Variants in AMZ2 observed in about 807,000 individuals in gnomAD.
The protein encoded by AMZ2 is archaemetzincin-2.
In AMZ2, 26 loss-of-function variants were observed where a neutral mutation model predicts 36.7. The ratio of observed to expected loss-of-function variants is 0.71; its 90% CI spans 0.52 to 0.98. The LOEUF is 0.98. Ranked by LOEUF, AMZ2 falls within the 50% of genes least tolerant of loss-of-function variation. AMZ2 has a pLI of 0.00. For synonymous variants in AMZ2, 144 were observed against 149.1 expected (o/e 0.97, Z 0.25); for missense variants, 394 against 430.5 (o/e 0.92, Z 0.75).
At chr17:68,244,632 T>C (rs2073964557), upstream of AMZ2, among the ~76,000 whole-genome samples, 1 of 152,120 alleles carries the variant, frequency 6.6e-6, no homozygotes, top group Admixed American at 6.6e-5. Context: ...TATATTTTCA[T>C]ATAGAGACAG....
At chr17:68,212,814 G>A (rs1395103889) in intron 1 of AMZ2, among the ~76,000 whole-genome samples, 4 of 151,938 alleles carry the variant, frequency 2.6e-5, no homozygotes, top group African/African-American at 4.8e-5. Context: ...GCAATCCACC[G>A]ACCTCAGCCT....
intron 1 of AMZ2, among the ~76,000 whole-genome samples, chr17:68,211,912 T>G (rs1346016652): frequency 6.6e-6 from 1 of 150,874 alleles, no homozygotes; most frequent in African/African-American, 2.4e-5. Flanking sequence ...TTTTAATCAG[T>G]TCCCTTTGTC....
intron 1 of AMZ2, among the ~76,000 whole-genome samples, chr17:68,220,215 T>C (rs2073311067): frequency 6.6e-6 from 1 of 152,234 alleles, no homozygotes; most frequent in African/African-American, 2.4e-5. Flanking sequence ...ACTTCTCTGT[T>C]TTCTAAATTT....
chr17:68,247,597 G>A (rs1262838785), upstream of AMZ2: 1 of 978,708 alleles, frequency 1.0e-6, no homozygotes, highest in African/African-American at 1.8e-5. Context: ...AAAGTGCTGA[G>A]GGTGACGGCC....
At chr17:68,238,586 T>TATAC (rs112399250) in intron 1 of AMZ2, among the ~76,000 whole-genome samples, 1 of 150,888 alleles carries the variant, frequency 6.6e-6, no homozygotes, top group African/African-American at 2.4e-5. Flanking sequence ...CACACATATG[T>TATAC]ACACACACAC....
rs781840938 is a variant in AMZ2, at chr17:68,250,182, TG to T, written c.1-5del. On this transcript the variant is annotated splice_region_variant and splice_polypyrimidine_tract_variant and intron_variant, in intron 1 of 6. Transcript: ENST00000359904. ...TTATATTTGATTACTTGCTTTTTTT[TG>T]TTAGATGCAAATAATACGGCACTCC... The T allele has an allele frequency of 1.9e-5, 30 of 1,604,754 alleles. No homozygotes were observed. In the Admixed American group the frequency reaches 5.2e-4, roughly 28 times the overall value.
chr17:68,221,412 C>T (rs2073362694), intron 1 of AMZ2, among the ~76,000 whole-genome samples: 1 of 151,980 alleles, frequency 6.6e-6, no homozygotes, highest in African/African-American at 2.4e-5. Flanking sequence ...GGGTGCATGC[C>T]AGATGGTGGA....
Position 68,250,342 on chromosome 17 carries a change from C to T in AMZ2, c.155C>T (p.Thr52Ile), listed in dbSNP as rs143420106. 2.9e-5 allele frequency: 47 copies of T among 1,614,072 alleles called. No homozygotes were observed. Among genetic ancestry groups the T allele is most frequent in the Admixed American group, 1.5e-4 (9 of 60,004 alleles). The part of the protein sequence containing the change: ...QPASDLFGPI[T>I]LHSPSDWITS... ...GCCAGTGATCTCTTTGGACCCATTACCTTGCATTCTCCATCAGATTGGATC... is the reference window on the plus strand; with the variant it reads ...GCCAGTGATCTCTTTGGACCCATTATCTTGCATTCTCCATCAGATTGGATC... Residue 52 changes from threonine (T) to isoleucine (I), a missense_variant, in exon 2 of 7, where the codon ACC (threonine) becomes ATC (isoleucine). By Grantham distance (89) the Thr-to-Ile change is moderately conservative (BLOSUM62 -1). Coordinates refer to ENST00000359904, the MANE Select transcript of AMZ2 (RefSeq NM_016627.5).
upstream of AMZ2, among the ~76,000 whole-genome samples, chr17:68,244,619 A>G (rs1555734794): frequency 6.6e-6 from 1 of 152,206 alleles, no homozygotes. Context: ...CAGGAAAACA[A>G]TGTATATTTT....
chr17:68,236,213 C>T (rs1264211908), intron 1 of AMZ2, among the ~76,000 whole-genome samples: 3 of 151,888 alleles, frequency 2.0e-5, no homozygotes, highest in Non-Finnish European at 2.9e-5. Flanking sequence ...TGTTTTAAAA[C>T]GTTTTATATA....
intron 1 of AMZ2, among the ~76,000 whole-genome samples, chr17:68,241,857 G>A (rs2073907330): frequency 1.3e-5 from 2 of 151,110 alleles, no homozygotes; most frequent in African/African-American, 4.9e-5. Flanking sequence ...CCAAGTAGCT[G>A]GGATTACAGG....
intron 1 of AMZ2, among the ~76,000 whole-genome samples, chr17:68,210,302 G>A (rs1273109672): frequency 6.6e-6 from 1 of 152,232 alleles, no homozygotes; most frequent in African/African-American, 2.4e-5. Flanking sequence ...TGCATTAACT[G>A]ATGAATGGAT....
upstream of AMZ2, among the ~76,000 whole-genome samples, chr17:68,243,987 G>T (rs1184041308): frequency 1.3e-4 from 20 of 152,276 alleles, no homozygotes; most frequent in Non-Finnish European, 2.2e-4. Context: ...CTAATTGGTA[G>T]AATTGTTTTC....
At chr17:68,240,929 A>G (rs2144643422) in intron 1 of AMZ2, among the ~76,000 whole-genome samples, 1 of 152,356 alleles carries the variant, frequency 6.6e-6, no homozygotes, top group African/African-American at 2.4e-5. Context: ...AGATCTCACA[A>G]TATTTATCTC....
intron 1 of AMZ2, among the ~76,000 whole-genome samples, chr17:68,231,137 C>G (rs1449636329): frequency 2.0e-5 from 3 of 151,712 alleles, no homozygotes; most frequent in Non-Finnish European, 4.4e-5. Context: ...GACCATGGCT[C>G]ACTGCAGCCT....
upstream of AMZ2, among the ~76,000 whole-genome samples, chr17:68,243,355 A>G (rs35190886): frequency 0.24 from 36,461 of 152,040 alleles, 4,716 homozygotes; most frequent in East Asian, 0.4. Context: ...GGCTGGTCTC[A>G]AACTCCTGAC....
chr17:68,211,866 ATG>A (rs1286703079), intron 1 of AMZ2, among the ~76,000 whole-genome samples: 6 of 136,862 alleles, frequency 4.4e-5, no homozygotes, highest in African/African-American at 7.7e-5. Flanking sequence ...ATATGTATAT[ATG>A]TGTGTGTATG....
At chr17:68,246,525 C>T (rs1555735540), upstream of AMZ2, 1 of 152,174 alleles carries the variant, frequency 6.6e-6, no homozygotes, top group East Asian at 1.9e-4. Flanking sequence ...GGGAGATAGG[C>T]GCCCAGTCAA....
At chr17:68,221,062 G>A (rs2073343628) in intron 1 of AMZ2, among the ~76,000 whole-genome samples, 1 of 152,022 alleles carries the variant, frequency 6.6e-6, no homozygotes, top group South Asian at 2.1e-4. Flanking sequence ...AGGATTACAG[G>A]CGTGAGCCAC....
Sources: allele counts gnomAD v4.1 joint callset (sites outside exome capture counted in the v4.1 genomes callset), GRCh38; gene constraint gnomAD v4.1.1; transcripts MANE v1.5; gene names NCBI Gene and HGNC (gene_info 2026-07-23, HGNC 2026-07-21).